The following HHLA1 variants were observed in gnomAD, a reference collection of about 807,000 sequenced individuals.
The protein encoded by HHLA1 is HHLA1 neighbor of OC90.
Under a neutral mutation model 69.9 loss-of-function variants are expected in HHLA1, and 72 were observed. The observed-to-expected ratio is 1.03, with a 90% CI of 0.85 to 1.25. The LOEUF is 1.25. Ranked by LOEUF, HHLA1 falls within the 50% of genes most tolerant of loss-of-function variation. The probability of loss-of-function intolerance (pLI) is 0.00; values close to 1 mark genes in which losing one functional copy is unlikely to be tolerated. For missense variants in HHLA1, 685 were observed against 642.2 expected (o/e 1.07, Z -0.72); for synonymous variants, 252 against 233.2 (o/e 1.08, Z -0.73).
intron 10 of HHLA1, among the ~76,000 whole-genome samples, chr8:132,081,653 T>C (rs1239045827): frequency 6.6e-6 from 1 of 152,152 alleles, no homozygotes; most frequent in African/African-American, 2.4e-5. Context: ...TCAGACCCTG[T>C]AGGAAAGGCT....
chr8:132,090,275 A>C (rs1410862339), intron 7 of HHLA1, among the ~76,000 whole-genome samples: 1 of 152,156 alleles, frequency 6.6e-6, no homozygotes, highest in Non-Finnish European at 1.5e-5. Context: ...TGACTGTGAA[A>C]ATTCCTAATA....
intron 10 of HHLA1, among the ~76,000 whole-genome samples, chr8:132,085,004 G>A (rs1823835763): frequency 6.6e-6 from 1 of 151,766 alleles, no homozygotes; most frequent in East Asian, 1.9e-4. Context: ...GGGTTGAGGG[G>A]TATTTGCCCC....
At chr8:132,110,145 G>A (rs934723124) in intron 1 of HHLA1, among the ~76,000 whole-genome samples, 1 of 152,202 alleles carries the variant, frequency 6.6e-6, no homozygotes, top group African/African-American at 2.4e-5. Flanking sequence ...AAAAGGTGCT[G>A]GATCAGATAT....
Position 132,093,137 on chromosome 8 carries a change from G to C in HHLA1, c.448+2382C>G, listed in dbSNP as rs115516280. Among the ~76,000 whole-genome samples, 1,258 of 152,276 alleles carry C rather than the reference G, an allele frequency of 8.3e-3. 18 individuals carry two copies. The highest frequency in any genetic ancestry group is 0.028 in the African/African-American group (1,177 of 41,546). ...GGGTAGATATTAGCTGGGGTACATA[G>C]GTAGATAGGTAGGTTAGATAAGTAG... On this transcript the variant is annotated intron_variant, in intron 7 of 16. Transcript: ENST00000414222.
chr8:132,102,435 G>C (rs1193378175), intron 3 of HHLA1, among the ~76,000 whole-genome samples: 1 of 152,224 alleles, frequency 6.6e-6, no homozygotes, highest in Non-Finnish European at 1.5e-5. Flanking sequence ...GCTACTGGAG[G>C]CAACGGGCTT....
chr8:132,108,536 C>T (rs2116464), intron 1 of HHLA1, among the ~76,000 whole-genome samples: 2 of 151,916 alleles, frequency 1.3e-5, no homozygotes, highest in African/African-American at 4.8e-5. Context: ...TTGTTTCTTC[C>T]GTGACACTTG....
At chr8:132,083,060 A>C (rs1027372648) in intron 10 of HHLA1, among the ~76,000 whole-genome samples, 6 of 151,640 alleles carry the variant, frequency 4.0e-5, no homozygotes, top group East Asian at 1.9e-4. Flanking sequence ...GAGGGAGTAG[A>C]GGTATCTTAT....
rs1179355361 is a variant in HHLA1 at position 132,076,326 on chromosome 8, C to T, written c.1240+149G>A. ...ACGGCAAGGCTTATAAACCAGTTCT[C>T]CTGACTCTTTTCCTGCAGGAAACAA... On this transcript the variant is annotated intron_variant, in intron 13 of 16. Coordinates refer to ENST00000414222, the MANE Select transcript of HHLA1 (RefSeq NM_001145095.3). 16 of 704,342 alleles carry T rather than the reference C, an allele frequency of 2.3e-5. No homozygotes were observed. The East Asian group carries it at 4.4e-4, about 19-fold the overall frequency. 43.6% of individuals were successfully genotyped at this position (704,342 alleles called of 1,614,324 possible).
intron 10 of HHLA1, among the ~76,000 whole-genome samples, chr8:132,086,828 A>C (rs1164302027): frequency 6.6e-6 from 1 of 152,108 alleles, no homozygotes; most frequent in Non-Finnish European, 1.5e-5. Flanking sequence ...ATAAATATAA[A>C]GCAAAGTAGC....
At chr8:132,078,538 AC>A (rs1823685973) in intron 11 of HHLA1, among the ~76,000 whole-genome samples, 1 of 152,118 alleles carries the variant, frequency 6.6e-6, no homozygotes, top group Admixed American at 6.5e-5. Context: ...TTTCCTCTAC[AC>A]CACCCAGTCA....
Position 132,095,603 on chromosome 8 carries a change from CTG to C in HHLA1, c.365-3_365-2del, listed in dbSNP as rs1824010133. On this transcript the variant is annotated splice_acceptor_variant and splice_polypyrimidine_tract_variant and intron_variant, in intron 6 of 16. Transcript: ENST00000414222. LOFTEE classifies it high-confidence loss of function. ...GGGTCTACTGTCTTCAGGTTAGAAACTGTGAAGAGAAAGGATTCAACAGAGAT... is the reference window on the plus strand; with the variant it reads ...GGGTCTACTGTCTTCAGGTTAGAAACTGAAGAGAAAGGATTCAACAGAGAT... 3.2e-6 allele frequency: 5 copies of C among 1,544,566 alleles called. No individual in the cohort carries two copies. Among genetic ancestry groups the C allele is most frequent in the Non-Finnish European group, 4.4e-6 (5 of 1,140,462 alleles).
At chr8:132,086,117 G>A (rs1823856543) in intron 10 of HHLA1, among the ~76,000 whole-genome samples, 2 of 152,260 alleles carry the variant, frequency 1.3e-5, no homozygotes, top group African/African-American at 4.8e-5. Flanking sequence ...AATCTACCCA[G>A]CATCCTTGGT....
At chr8:132,085,473 T>C (rs1284354892) in intron 10 of HHLA1, 2 of 388,660 alleles carry the variant, frequency 5.1e-6, no homozygotes, top group South Asian at 3.6e-5. Context: ...AGGTGGATCT[T>C]TCTCATGGAG....
At chr8:132,064,083 T>C (rs185769537) in intron 16 of HHLA1, 45 bp from the exon 17 acceptor site, 4 of 1,210,136 alleles carry the variant, frequency 3.3e-6, no homozygotes, top group Non-Finnish European at 3.3e-6. Flanking sequence ...TACTGAGATA[T>C]AAACACTGTA....
chr8:132,071,552 T>G, intron 14 of HHLA1, 59 bp from the exon 15 acceptor site: 1 of 1,489,836 alleles, frequency 6.7e-7, no homozygotes, highest in South Asian at 1.2e-5. Context: ...CATCTTCTCT[T>G]CGTTAAGCCC....
At chr8:132,098,809 C>T (rs959483510) in intron 5 of HHLA1, 73 bp downstream of exon 5, 2 of 905,714 alleles carry the variant, frequency 2.2e-6, no homozygotes, top group African/African-American at 3.4e-5. Flanking sequence ...GTCAAGGCAA[C>T]AGAAAGGTTC....
At chr8:132,100,336 A>G (rs1406299499) in intron 3 of HHLA1, among the ~76,000 whole-genome samples, 1 of 152,146 alleles carries the variant, frequency 6.6e-6, no homozygotes, top group Non-Finnish European at 1.5e-5. Flanking sequence ...TGGCCTAGAA[A>G]TGCACATTTT....
chr8:132,071,243 G>T, intron 15 of HHLA1, 97 bp downstream of exon 15: 2 of 1,079,868 alleles, frequency 1.9e-6, no homozygotes, highest in Non-Finnish European at 2.7e-6. Context: ...TCTGTGGATT[G>T]CTTATTGCCT....
At chr8:132,099,956 C>A in intron 4 of HHLA1, 119 bp downstream of exon 4, 1 of 694,232 alleles carries the variant, frequency 1.4e-6, no homozygotes, top group South Asian at 1.8e-5. Context: ...ACTTAATGAT[C>A]AGATAATGAT....
Sources: allele counts gnomAD v4.1 joint callset (sites outside exome capture counted in the v4.1 genomes callset), GRCh38; gene constraint gnomAD v4.1.1; transcripts MANE v1.5; gene names NCBI Gene and HGNC (gene_info 2026-07-23, HGNC 2026-07-21).